The following HLTF variants were observed in gnomAD, a reference collection of about 807,000 sequenced individuals.
HLTF encodes the protein DNA-dependent ATPase/E3 ubiquitin-protein ligase HLTF.
In HLTF, 127 loss-of-function variants were observed where a neutral mutation model predicts 129.4. That is an observed-to-expected ratio of 0.98 (90% CI 0.85 to 1.14). The LOEUF (loss-of-function observed/expected upper bound fraction) is 1.14. Ranked by LOEUF, HLTF falls within the 50% of genes most tolerant of loss-of-function variation. The pLI is 0.00. For synonymous variants in HLTF, 332 were observed against 388.8 expected (o/e 0.85, Z 1.72); for missense variants, 1,139 against 1,187.1 (o/e 0.96, Z 0.60).
intron 23 of HLTF, among the ~76,000 whole-genome samples, chr3:149,037,432 C>T (rs1231077172): frequency 6.9e-6 from 1 of 144,168 alleles, no homozygotes; most frequent in Non-Finnish European, 1.5e-5. Flanking sequence ...TGTGCCACCA[C>T]ACTCCAGCAT....
chr3:149,048,782 G>T, intron 16 of HLTF, 81 bp downstream of exon 16: 1 of 1,100,272 alleles, frequency 9.1e-7, no homozygotes. Flanking sequence ...CCCACTTTAA[G>T]TTTACAAAGT....
chr3:149,084,673 T>C lies in HLTF; in HGVS notation c.228+9A>G. On this transcript the variant is annotated intron_variant, in intron 2 of 24. Transcript: ENST00000310053. ...TAATCAAAATTTAATTATCTACTAT[T>C]ATACTCACTACTCCCGTGTAATAGC... The C allele has an allele frequency of 2.5e-6, 4 of 1,584,542 alleles. No individual in the cohort carries two copies. The highest frequency in any genetic ancestry group is 3.5e-6 in the Non-Finnish European group (4 of 1,154,168).
At chr3:149,044,721 A>G (rs1393875426) in intron 18 of HLTF, among the ~76,000 whole-genome samples, 4 of 152,274 alleles carry the variant, frequency 2.6e-5, no homozygotes, top group East Asian at 1.9e-4. Context: ...GTAAACAGCA[A>G]TTCCAGCCTT....
chr3:149,050,360 G>A lies in HLTF; in HGVS notation c.1489C>T (p.His497Tyr), dbSNP rs1245414543. ...TTCAAGTGTACATCTGATTTTATAT[G>A]TTGTCCAAACTGGTCCTAAAGAAAA... The part of the protein sequence containing the change: ...LSNWIDQFGQ[H>Y]IKSDVHLNFY... The change falls in exon 15 of 25, where the codon CAT becomes TAT. Residue 497 changes from histidine to tyrosine, a missense_variant. His to Tyr is a moderately conservative substitution (Grantham distance 83). Transcript: ENST00000310053. The A allele has an allele frequency of 6.3e-7, 1 of 1,586,722 alleles. No homozygotes were observed. Among genetic ancestry groups the A allele is most frequent in the Non-Finnish European group, 8.6e-7 (1 of 1,163,714 alleles).
intron 18 of HLTF, among the ~76,000 whole-genome samples, chr3:149,042,744 GGC>G (rs1201010950): frequency 1.3e-5 from 2 of 151,834 alleles, no homozygotes; most frequent in Non-Finnish European, 2.9e-5. Context: ...AAAGACTATG[GGC>G]ACAGCACTCT....
At chr3:149,056,920 T>C (rs181922280) in intron 13 of HLTF, among the ~76,000 whole-genome samples, 87 of 151,108 alleles carry the variant, frequency 5.8e-4, no homozygotes, top group African/African-American at 1.3e-3. Flanking sequence ...CCATCCTGGC[T>C]AACACGGTGA....
In HLTF at chr3:149,034,902, T is replaced by C; in HGVS notation, c.2877+16A>G. 1 of 1,562,654 alleles carries C rather than the reference T, an allele frequency of 6.4e-7. No homozygotes were observed. Among genetic ancestry groups the C allele is most frequent in the Non-Finnish European group, 8.8e-7 (1 of 1,132,996 alleles). On this transcript the variant is annotated intron_variant, in intron 24 of 24. Coordinates refer to ENST00000310053, the MANE Select transcript of HLTF (RefSeq NM_003071.4). The stretch of plus-strand genomic sequence containing the variant: ...CGTATCAACCTAGTCTTAAAATAGT[T>C]TGTTTAAAAACTCACTTTTGTGATG...
rs555743116 is a variant in HLTF at position 149,035,067 on chromosome 3, A to G, written c.2797-69T>C. 4 of 1,094,040 alleles carry G rather than the reference A, an allele frequency of 3.7e-6. No homozygotes were observed. The African/African-American group carries it at 6.2e-5, about 17-fold the overall frequency. 67.8% of individuals were successfully genotyped at this position (1,094,040 alleles called of 1,614,324 possible). On this transcript the variant is annotated intron_variant, in intron 23 of 24. Coordinates refer to ENST00000310053, the MANE Select transcript of HLTF (RefSeq NM_003071.4). ...TTCAGTGTTTTGCATTTGTCCTTTC[A>G]TTTCACTAGTATTCATTCATCTTTT...
chr3:149,069,556 T>A lies in HLTF; in HGVS notation c.895-1221A>T, dbSNP rs192868718. Among the ~76,000 whole-genome samples, 806 of 152,290 alleles carry A rather than the reference T, an allele frequency of 5.3e-3. 7 individuals are homozygous for A. The highest frequency in any genetic ancestry group is 7.5e-3 in the Non-Finnish European group (507 of 68,022). ...AAGTCTCATTACTTCAGTACAAATC[T>A]TTTTAATATTCTGTGTAGTGAAATG... On this transcript the variant is annotated intron_variant, in intron 7 of 24. Transcript: ENST00000310053.
In HLTF at chr3:149,064,781, T is replaced by A; in HGVS notation, c.1066+10A>T. ...ATCAAATATTGGATCATTTCAAAAT[T>A]AGCATTTACCTTTGCTTAGTCCATC... On this transcript the variant is annotated intron_variant, in intron 9 of 24. Transcript: ENST00000310053. 1.3e-6 allele frequency: 2 copies of A among 1,489,934 alleles called. No homozygotes were observed. The highest frequency in any genetic ancestry group is 1.9e-6 in the Non-Finnish European group (2 of 1,069,392). 92.3% of individuals were successfully genotyped at this position (1,489,934 alleles called of 1,614,324 possible).
At chr3:149,072,746 A>T (rs1178388316) in intron 5 of HLTF, among the ~76,000 whole-genome samples, 2 of 152,234 alleles carry the variant, frequency 1.3e-5, no homozygotes, top group African/African-American at 4.8e-5. Context: ...AAAAAGTTTT[A>T]ATGTTATTTT....
intron 8 of HLTF, 60 bp downstream of exon 8, chr3:149,068,180 A>G (rs1274963645): frequency 5.7e-6 from 4 of 706,860 alleles, no homozygotes; most frequent in Non-Finnish European, 9.7e-6. Flanking sequence ...TAATGATGAA[A>G]TTTAAAGATT....
In HLTF at chr3:149,084,786, C is replaced by T. The variant is rs61750366; in HGVS notation, c.124G>A (p.Val42Ile). ...TFFPRFEFQD[V>I]IPPDDFLTSD... ...GTTAGAAAGTCATCTGGAGGGATAA[C>T]ATCTTGGAATTCAAAACGTGGAAAG... Residue 42 changes from valine (V) to isoleucine (I), a missense_variant, in exon 2 of 25, where the codon GTT (valine) becomes ATT (isoleucine). Val to Ile is a conservative substitution (Grantham distance 29). Transcript: ENST00000310053. The T allele has an allele frequency of 6.2e-7, 1 of 1,613,846 alleles. No individual in the cohort carries two copies. Among genetic ancestry groups the T allele is most frequent in the Admixed American group, 1.7e-5 (1 of 60,002 alleles).
At chr3:149,048,315 T>C (rs1424285240) in intron 16 of HLTF, 152 bp from the exon 17 acceptor site, 2 of 514,572 alleles carry the variant, frequency 3.9e-6, no homozygotes, top group South Asian at 3.9e-5. Context: ...GTGTTGACTA[T>C]AATCATTTAT....
chr3:149,073,464 C>G, intron 4 of HLTF, 142 bp from the exon 5 acceptor site: 1 of 605,268 alleles, frequency 1.7e-6, no homozygotes, highest in South Asian at 2.3e-5. Context: ...GAGGCCAAGG[C>G]AGGTGGTTTG....
rs535591337 is a variant in HLTF at position 149,059,677 on chromosome 3, G to GA, written c.1375+40dup. 334 of 1,265,754 alleles carry GA rather than the reference G, an allele frequency of 2.6e-4. 2 individuals carry two copies. Among genetic ancestry groups the GA allele is most frequent in the South Asian group, 2.5e-3 (190 of 75,292 alleles). 78.4% of individuals were successfully genotyped at this position (1,265,754 alleles called of 1,614,324 possible). A position where few individuals can be genotyped will look rare whatever the true frequency, so the allele number is the denominator to read the frequency against. The stretch of plus-strand genomic sequence containing the variant: ...TTTTAAATTTTTTCATTCAAAAACA[G>GA]AAAAAAAACCAAAAACTAGAAAACA... On this transcript the variant is annotated intron_variant, in intron 13 of 24. Transcript: ENST00000310053.
chr3:149,038,981 A>G (rs1715878576), intron 23 of HLTF, 68 bp downstream of exon 23: 2 of 910,462 alleles, frequency 2.2e-6, no homozygotes, highest in Non-Finnish European at 1.6e-6. Context: ...GTATTTACCA[A>G]ATAGTTTTTT....
chr3:149,079,966 T>C (rs1192766358), intron 2 of HLTF, among the ~76,000 whole-genome samples: 3 of 152,076 alleles, frequency 2.0e-5, no homozygotes, highest in Admixed American at 6.6e-5. Context: ...AAGTTGTTAA[T>C]TGTAATCCCT....
At chr3:149,055,936 C>G (rs1166991064) in intron 13 of HLTF, among the ~76,000 whole-genome samples, 1 of 152,260 alleles carries the variant, frequency 6.6e-6, no homozygotes, top group African/African-American at 2.4e-5. Flanking sequence ...TCCAATCTTT[C>G]ACTCTGGTGG....
Sources: gnomAD v4.1 joint callset for allele counts (sites outside exome capture counted in the v4.1 genomes callset) on GRCh38, gnomAD v4.1.1 for gene constraint, MANE v1.5 for transcripts, NCBI Gene and HGNC (gene_info 2026-07-23, HGNC 2026-07-21) for gene names.